Variants in DOCK5 observed in about 807,000 individuals in gnomAD.
The protein encoded by DOCK5 is dedicator of cytokinesis protein 5.
In DOCK5, 142 loss-of-function variants were observed where a neutral mutation model predicts 251.8. The ratio of observed to expected loss-of-function variants is 0.56; its 90% CI spans 0.49 to 0.65. The LOEUF (loss-of-function observed/expected upper bound fraction) is 0.65, where lower values mean the gene tolerates loss of function less well. DOCK5 is among the 30% of genes least tolerant of loss of function. The probability of loss-of-function intolerance (pLI) is 0.00; values close to 1 mark genes in which losing one functional copy is unlikely to be tolerated. For synonymous variants in DOCK5, 842 were observed against 835.5 expected (o/e 1.01, Z -0.13); for missense variants, 2,111 against 2,312.3 (o/e 0.91, Z 1.79).
At chr8:25,220,529 C>T (rs115371689) in intron 1 of DOCK5, among the ~76,000 whole-genome samples, 129 of 146,892 alleles carry the variant, frequency 8.8e-4, no homozygotes, top group African/African-American at 3.3e-3. Context: ...GCTGGGGTCA[C>T]AGCACGTTTC....
intron 18 of DOCK5, among the ~76,000 whole-genome samples, chr8:25,327,603 A>G (rs1026018738): frequency 2.0e-5 from 3 of 152,196 alleles, no homozygotes; most frequent in Non-Finnish European, 2.9e-5. Flanking sequence ...GCAGTTCTCA[A>G]TGTAGACCCT....
At chr8:25,295,392 AT>A (rs201278455) in intron 6 of DOCK5, among the ~76,000 whole-genome samples, 417 of 148,642 alleles carry the variant, frequency 2.8e-3, no homozygotes, top group Middle Eastern at 3.4e-3. Context: ...TCTAAAAAAA[AT>A]AAAAATAAAT....
At chr8:25,249,782 C>T (rs1466930507) in intron 2 of DOCK5, among the ~76,000 whole-genome samples, 1 of 152,168 alleles carries the variant, frequency 6.6e-6, no homozygotes. Context: ...GACAGGGTCT[C>T]GCTATGTTAC....
At chr8:25,265,208 C>T (rs1323300998) in intron 2 of DOCK5, among the ~76,000 whole-genome samples, 2 of 151,944 alleles carry the variant, frequency 1.3e-5, no homozygotes, top group African/African-American at 2.4e-5. Flanking sequence ...CACCCCAGAC[C>T]AGTTAAATCA....
intron 5 of DOCK5, among the ~76,000 whole-genome samples, chr8:25,282,272 A>T (rs1463571423): frequency 6.6e-6 from 1 of 151,904 alleles, no homozygotes; most frequent in Admixed American, 6.6e-5. Flanking sequence ...TTGACAGTTA[A>T]CTTGAGGCAG....
rs144488723 is a variant in DOCK5, at chr8:25,406,905, C to T, written c.5094-1078C>T. The stretch of plus-strand genomic sequence containing the variant: ...CCTCTCAAAGTGCTGGGATTACAGG[C>T]GTGAGCCACCGTGCCTGGCTGTGTA... On this transcript the variant is annotated intron_variant, in intron 48 of 51. Transcript: ENST00000276440. Among the ~76,000 whole-genome samples, 1,331 of 152,130 alleles carry T rather than the reference C, an allele frequency of 8.7e-3. 22 individuals are homozygous for T. Among genetic ancestry groups the T allele is most frequent in the African/African-American group, 0.03 (1,242 of 41,502 alleles).
chr8:25,390,548 G>T (rs1401982090), intron 42 of DOCK5, among the ~76,000 whole-genome samples: 2 of 152,134 alleles, frequency 1.3e-5, no homozygotes, highest in African/African-American at 4.8e-5. Context: ...GTTCTACTTT[G>T]AGTGTAAGAT....
At chr8:25,316,006 T>C (rs1805239530) in intron 13 of DOCK5, among the ~76,000 whole-genome samples, 1 of 152,222 alleles carries the variant, frequency 6.6e-6, no homozygotes, top group Non-Finnish European at 1.5e-5. Flanking sequence ...AGGAGTTTAA[T>C]ATACTTCACA....
intron 1 of DOCK5, among the ~76,000 whole-genome samples, chr8:25,190,312 T>C (rs532589725): frequency 9.2e-5 from 14 of 152,356 alleles, no homozygotes; most frequent in African/African-American, 3.4e-4. Flanking sequence ...GAAGGTGTTT[T>C]TCAAAGTTCG....
intron 1 of DOCK5, among the ~76,000 whole-genome samples, chr8:25,234,737 T>G (rs1011415625): frequency 1.3e-5 from 2 of 152,212 alleles, no homozygotes; most frequent in African/African-American, 2.4e-5. Flanking sequence ...AAATGGTGAA[T>G]GTATTAAAAT....
At chr8:25,315,642 A>G (rs925240144) in intron 13 of DOCK5, among the ~76,000 whole-genome samples, 1 of 152,266 alleles carries the variant, frequency 6.6e-6, no homozygotes, top group Admixed American at 6.5e-5. Flanking sequence ...TAAACACCGC[A>G]ATGAATATCC....
Position 25,309,864 on chromosome 8 carries a change from C to T in DOCK5, c.1193-543C>T, listed in dbSNP as rs148414057. On this transcript the variant is annotated intron_variant, in intron 12 of 51. Transcript: ENST00000276440. ...GAAAGACAGAAAAATGGTTTGTTCT[C>T]AGAGGTTTAATAGCTATACACTTCT... is the stretch of plus-strand genomic sequence containing the variant. Among the ~76,000 whole-genome samples, 278 of 152,102 alleles carry T rather than the reference C, an allele frequency of 1.8e-3. 1 individual carries two copies. In the East Asian group the frequency reaches 0.019, roughly 10 times the overall value.
intron 11 of DOCK5, among the ~76,000 whole-genome samples, chr8:25,307,466 A>T (rs1430481721): frequency 6.6e-6 from 1 of 152,154 alleles, no homozygotes; most frequent in Non-Finnish European, 1.5e-5. Context: ...GCAGTCTGTC[A>T]TTGACAGAAA....
At chr8:25,331,095 C>T (rs775697213) in intron 18 of DOCK5, among the ~76,000 whole-genome samples, 27 of 151,842 alleles carry the variant, frequency 1.8e-4, no homozygotes, top group Middle Eastern at 3.4e-3. Flanking sequence ...GGTGACAGAG[C>T]GACCTTGTCT....
chr8:25,237,376 AT>A (rs1802830349), intron 1 of DOCK5, among the ~76,000 whole-genome samples: 1 of 152,176 alleles, frequency 6.6e-6, no homozygotes, highest in Non-Finnish European at 1.5e-5. Context: ...TCTCAAAAAA[AT>A]AAAAAATAAA....
chr8:25,231,267 A>T (rs1349108890), intron 1 of DOCK5, among the ~76,000 whole-genome samples: 1 of 152,148 alleles, frequency 6.6e-6, no homozygotes, highest in African/African-American at 2.4e-5. Context: ...TGAATATGCC[A>T]TAATTTATTT....
intron 25 of DOCK5, among the ~76,000 whole-genome samples, chr8:25,343,751 A>G (rs1287764565): frequency 2.0e-5 from 3 of 152,166 alleles, no homozygotes; most frequent in Non-Finnish European, 4.4e-5. Flanking sequence ...GAAATTGACC[A>G]TGGTGGAAGT....
chr8:25,309,517 G>T (rs894179082), intron 12 of DOCK5, among the ~76,000 whole-genome samples: 3 of 151,904 alleles, frequency 2.0e-5, no homozygotes, highest in Admixed American at 1.3e-4. Context: ...TCCCAATGTC[G>T]ACCCTAGATA....
chr8:25,204,831 A>G (rs895668172), intron 1 of DOCK5, among the ~76,000 whole-genome samples: 1 of 152,074 alleles, frequency 6.6e-6, no homozygotes, highest in African/African-American at 2.4e-5. Flanking sequence ...GATTTCCCCA[A>G]ATCTCTCAGT....
Sources: allele counts gnomAD v4.1 joint callset (sites outside exome capture counted in the v4.1 genomes callset), GRCh38; gene constraint gnomAD v4.1.1; transcripts MANE v1.5; gene names NCBI Gene and HGNC (gene_info 2026-07-23, HGNC 2026-07-21).